Variants in CTNNA3 observed in about 807,000 individuals in gnomAD.
CTNNA3 encodes the protein catenin alpha-3.
Under a neutral mutation model 95.7 loss-of-function variants are expected in CTNNA3, and 76 were observed. That is an observed-to-expected ratio of 0.79 (90% confidence interval 0.66 to 0.96). The LOEUF (loss-of-function observed/expected upper bound fraction) is 0.96. CTNNA3 is among the 40% of genes least tolerant of loss of function. The pLI is 0.00. For synonymous variants in CTNNA3, 431 were observed against 374.4 expected, an observed-to-expected ratio of 1.15 and a Z score of -1.74; for missense variants, 1,191 against 1,089.8, an observed-to-expected ratio of 1.09 and a Z score of -1.31.
At chr10:66,643,042 A>G (rs1485872665) in intron 9 of CTNNA3, among the ~76,000 whole-genome samples, 1 of 152,166 alleles carries the variant, frequency 6.6e-6, no homozygotes, top group Non-Finnish European at 1.5e-5. Flanking sequence ...TGATGGAGAT[A>G]GATACAGAGA....
At position 66,927,940 on chromosome 10, in the gene CTNNA3, A is replaced by G; in HGVS notation, c.1048-152416T>C. 1 of 1,614,256 alleles carries G rather than the reference A, an allele frequency of 6.2e-7. No homozygotes were observed. Among genetic ancestry groups the G allele is most frequent in the Non-Finnish European group, 8.5e-7 (1 of 1,180,052 alleles). ...AAGGGAGAATACAATTATCTGTGCC[A>G]GTCCCAAAGAGCTGCAAGGAGTAAA... is the stretch of plus-strand genomic sequence containing the variant. On this transcript the variant is annotated intron_variant, in intron 7 of 17. Transcript: ENST00000433211. The surrounding 1 kb of genome is among the most constrained non-coding windows in gnomAD (Gnocchi z 4.7).
chr10:67,612,992 C>T (rs998874634), intron 2 of CTNNA3, among the ~76,000 whole-genome samples: 44 of 152,198 alleles, frequency 2.9e-4, no homozygotes, highest in African/African-American at 1.1e-3. Flanking sequence ...ATGTAAATCT[C>T]TCATATTTGC....
chr10:67,596,364 G>A (rs10997743), intron 3 of CTNNA3, among the ~76,000 whole-genome samples: 13,528 of 152,146 alleles, frequency 0.089, 1,096 homozygotes, highest in African/African-American at 0.21. Flanking sequence ...ACCTTGAGTA[G>A]TAGGATATAA....
At chr10:67,374,812 T>C (rs1843628894) in intron 5 of CTNNA3, among the ~76,000 whole-genome samples, 1 of 152,184 alleles carries the variant, frequency 6.6e-6, no homozygotes, top group Non-Finnish European at 1.5e-5. Context: ...AAAATTTGCT[T>C]GGCTTGTCTT....
chr10:67,184,143 C>T lies in CTNNA3; in HGVS notation c.844-3623G>A, dbSNP rs538672926. ...ATTTTTCTGCTAACGCTTTGGCCAACTTTCTTAAAACACTCTTATAATAAG... is the reference window on the plus strand; with the variant it reads ...ATTTTTCTGCTAACGCTTTGGCCAATTTTCTTAAAACACTCTTATAATAAG... On this transcript the variant is annotated intron_variant, in intron 6 of 17. Transcript: ENST00000433211. Among the ~76,000 whole-genome samples the T allele has an allele frequency of 2.6e-5, 4 of 152,318 alleles. No individual in the cohort carries two copies. In the South Asian group the frequency reaches 8.3e-4, roughly 32 times the overall value.
At chr10:66,278,476 T>G (rs1323085254) in intron 13 of CTNNA3, among the ~76,000 whole-genome samples, 1 of 152,012 alleles carries the variant, frequency 6.6e-6, no homozygotes, top group African/African-American at 2.4e-5. Flanking sequence ...AAGAGATGAC[T>G]ATGGGAGAAA....
chr10:66,687,740 C>T (rs1451226356), intron 9 of CTNNA3, among the ~76,000 whole-genome samples: 1 of 150,522 alleles, frequency 6.6e-6, no homozygotes, highest in East Asian at 2.0e-4. Context: ...CACATACACA[C>T]ACACACACAC....
chr10:67,065,789 C>G (rs894037014), intron 7 of CTNNA3, among the ~76,000 whole-genome samples: 75 of 152,094 alleles, frequency 4.9e-4, no homozygotes, highest in African/African-American at 1.7e-3. Flanking sequence ...CCAGGAACAC[C>G]AGTTTTGAAT....
chr10:66,155,790 A>G (rs2084468272), intron 13 of CTNNA3, among the ~76,000 whole-genome samples: 1 of 151,954 alleles, frequency 6.6e-6, no homozygotes, highest in Non-Finnish European at 1.5e-5. Flanking sequence ...TTCTTAGGGC[A>G]AATAAAAAGT....
intron 9 of CTNNA3, among the ~76,000 whole-genome samples, chr10:66,709,859 C>G (rs187202788): frequency 5.3e-5 from 8 of 152,120 alleles, no homozygotes; most frequent in Admixed American, 5.2e-4. Flanking sequence ...CATTCTTTAA[C>G]CAAATCAGAA....
At chr10:67,224,060 C>T (rs1295383774) in intron 5 of CTNNA3, among the ~76,000 whole-genome samples, 1 of 152,004 alleles carries the variant, frequency 6.6e-6, no homozygotes, top group African/African-American at 2.4e-5. Context: ...TCAATATATC[C>T]ATCACCACAC....
chr10:66,817,605 G>A (rs1175075723), intron 7 of CTNNA3, among the ~76,000 whole-genome samples: 17 of 152,020 alleles, frequency 1.1e-4, no homozygotes, highest in Admixed American at 7.9e-4. Context: ...TACACTCAGG[G>A]AGCAACAGGC....
chr10:67,140,589 A>G (rs1860512229), intron 7 of CTNNA3, among the ~76,000 whole-genome samples: 2 of 152,206 alleles, frequency 1.3e-5, no homozygotes, highest in Non-Finnish European at 2.9e-5. Flanking sequence ...TTGGAAGAAA[A>G]ACAAGTATAA....
chr10:67,489,910 G>A (rs764397358), intron 5 of CTNNA3, among the ~76,000 whole-genome samples: 5 of 151,754 alleles, frequency 3.3e-5, no homozygotes, highest in Non-Finnish European at 7.4e-5. Flanking sequence ...GTTGCTTTGG[G>A]TTCCACATTT....
chr10:67,461,347 G>A (rs563951908), intron 5 of CTNNA3, among the ~76,000 whole-genome samples: 4 of 152,190 alleles, frequency 2.6e-5, no homozygotes, highest in African/African-American at 9.6e-5. Flanking sequence ...GATCTTAGAA[G>A]GATATCCCAA....
chr10:67,368,675 C>A (rs1344305521), intron 5 of CTNNA3, among the ~76,000 whole-genome samples: 1 of 152,056 alleles, frequency 6.6e-6, no homozygotes, highest in Non-Finnish European at 1.5e-5. Flanking sequence ...AATACTATTT[C>A]ACAATATTTA....
intron 12 of CTNNA3, among the ~76,000 whole-genome samples, chr10:66,359,739 A>G (rs72802884): frequency 0.061 from 9,249 of 152,146 alleles, 396 homozygotes; most frequent in East Asian, 0.11. Flanking sequence ...TTTGATAGGT[A>G]CAGTGCTTGT....
rs191466656 is a variant in CTNNA3, at chr10:67,213,566, G to T, written c.843+6041C>A. On this transcript the variant is annotated intron_variant, in intron 6 of 17. Coordinates refer to ENST00000433211, the MANE Select transcript of CTNNA3 (RefSeq NM_013266.4). ...CCAGCTTTCTTCTTTCCTAATATAA[G>T]CATGTATAGGTGAGAAATTTCCTTC... is the stretch of plus-strand genomic sequence containing the variant. Among the ~76,000 whole-genome samples the T allele has an allele frequency of 2.2e-4, 33 of 151,716 alleles. 1 individual carries two copies. The highest frequency in any genetic ancestry group is 9.8e-4 in the Admixed American group (15 of 15,252).
chr10:66,949,470 A>G (rs1848429714), intron 7 of CTNNA3, among the ~76,000 whole-genome samples: 1 of 152,110 alleles, frequency 6.6e-6, no homozygotes, highest in South Asian at 2.1e-4. Flanking sequence ...AGGCAGGAGA[A>G]TTGCTTGAAC....
Sources: gnomAD v4.1 joint callset for allele counts (sites outside exome capture counted in the v4.1 genomes callset) on GRCh38, gnomAD v4.1.1 for gene constraint, Gnocchi (gnomAD v3.1) non-coding constraint, MANE v1.5 for transcripts, NCBI Gene and HGNC (gene_info 2026-07-23, HGNC 2026-07-21) for gene names.